Variants in MAP3K13 observed in about 807,000 individuals in gnomAD.
The protein encoded by MAP3K13 is leucine zipper-bearing kinase.
In MAP3K13, 52 loss-of-function variants were observed where a neutral mutation model predicts 104.0. That is an observed-to-expected ratio of 0.50 (90% CI 0.40 to 0.63). MAP3K13 has a LOEUF of 0.63. Ranked by LOEUF, MAP3K13 falls within the 20% of genes least tolerant of loss-of-function variation. The probability of loss-of-function intolerance (pLI) is 0.00; values close to 1 mark genes in which losing one functional copy is unlikely to be tolerated. For synonymous variants in MAP3K13, 394 were observed against 442.2 expected, an observed-to-expected ratio of 0.89 and a Z score of 1.37; for missense variants, 914 against 1,218.5, an observed-to-expected ratio of 0.75 and a Z score of 3.72.
intron 1 of MAP3K13, among the ~76,000 whole-genome samples, chr3:185,395,357 C>CTTTTTTTTTT (rs770336517): frequency 0.06 from 4,221 of 69,938 alleles, 749 homozygotes; most frequent in African/African-American, 0.099. Context: ...AATATTATTT[C>CTTTTTTTTTT]TTTTTTTTTT....
rs760104499 is a variant in MAP3K13, at chr3:185,446,870, T to A, written c.852-919T>A. ...TATTTATTGATAACGGTGCCTTATGTATCTTACCTCATTTAATTCAAATGA... is the reference window on the plus strand; with the variant it reads ...TATTTATTGATAACGGTGCCTTATGAATCTTACCTCATTTAATTCAAATGA... On this transcript the variant is annotated intron_variant, in intron 4 of 13. Transcript: ENST00000265026. 5.1e-4 allele frequency among the ~76,000 whole-genome samples: 77 copies of A among 152,380 alleles called. 1 individual carries two copies. The highest frequency in any genetic ancestry group is 3.4e-3 in the Middle Eastern group (1 of 294).
At chr3:185,353,363 C>T (rs139928531) in intron 2 of MAP3K13, among the ~76,000 whole-genome samples, 256 of 152,260 alleles carry the variant, frequency 1.7e-3, no homozygotes, top group Middle Eastern at 6.8e-3. Context: ...GTACAGAAAA[C>T]GGAAGCGAGG....
intron 2 of MAP3K13, among the ~76,000 whole-genome samples, chr3:185,343,043 C>T (rs1722777916): frequency 6.6e-6 from 1 of 152,202 alleles, no homozygotes; most frequent in Non-Finnish European, 1.5e-5. Context: ...AGGCCACCCA[C>T]ATTTCCTTGC....
chr3:185,451,977 G>A (rs1299061093), intron 7 of MAP3K13, among the ~76,000 whole-genome samples: 1 of 151,840 alleles, frequency 6.6e-6, no homozygotes, highest in Non-Finnish European at 1.5e-5. Flanking sequence ...AGAAAAAGAA[G>A]ATAAGAAAGC....
intron 2 of MAP3K13, among the ~76,000 whole-genome samples, chr3:185,308,921 T>C (rs1721399455): frequency 6.6e-6 from 1 of 152,154 alleles, no homozygotes; most frequent in Non-Finnish European, 1.5e-5. Flanking sequence ...TTTTAACTGG[T>C]TTCTGGAGTT....
chr3:185,431,699 G>A (rs1243328455), intron 2 of MAP3K13, among the ~76,000 whole-genome samples: 1 of 152,106 alleles, frequency 6.6e-6, no homozygotes, highest in Non-Finnish European at 1.5e-5. Flanking sequence ...CAAGACTGTT[G>A]ACAGCTTTTC....
intron 13 of MAP3K13, among the ~76,000 whole-genome samples, chr3:185,481,837 C>T (rs1296384675): frequency 6.6e-6 from 1 of 152,252 alleles, no homozygotes; most frequent in Non-Finnish European, 1.5e-5. Flanking sequence ...GTAATCCCAG[C>T]ACTTTGGGAG....
chr3:185,376,453 TTGGAC>T (rs1384467378), intron 1 of MAP3K13, among the ~76,000 whole-genome samples: 3 of 152,132 alleles, frequency 2.0e-5, no homozygotes, highest in Non-Finnish European at 4.4e-5. Context: ...GTCAAGTTGT[TTGGAC>T]AGAAAGGCTA....
At chr3:185,422,994 C>T (rs920617667) in intron 1 of MAP3K13, among the ~76,000 whole-genome samples, 4 of 152,108 alleles carry the variant, frequency 2.6e-5, no homozygotes, top group Non-Finnish European at 5.9e-5. Flanking sequence ...ACTGTGCATG[C>T]GAGGGATCTA....
intron 2 of MAP3K13, among the ~76,000 whole-genome samples, chr3:185,348,688 G>A (rs564477146): frequency 6.6e-6 from 1 of 152,280 alleles, no homozygotes; most frequent in Non-Finnish European, 1.5e-5. Flanking sequence ...GGAGGCCGAG[G>A]CGGGTGGATC....
In MAP3K13 at chr3:185,473,738, C is replaced by T; in HGVS notation, c.2407C>T (p.Arg803Ter). Residue 803 changes from arginine to a stop codon, truncating the protein, a stop_gained, in exon 11 of 14, where the codon CGA becomes TGA. Transcript: ENST00000265026. LOFTEE classifies it high-confidence loss of function. This position sits in a 1 kb window ranked among gnomAD's most constrained non-coding sequence, Gnocchi z 4.9. ...SHLGTPPALP[R>*]KTRPLQKSGD... ...TCTCGGCACCCCTCCAGCGCTACCTCGAAAAACAAGGCCTCTGCAGAAGGT... is the reference window on the plus strand; with the variant it reads ...TCTCGGCACCCCTCCAGCGCTACCTTGAAAAACAAGGCCTCTGCAGAAGGT... The T allele has an allele frequency of 2.5e-6, 4 of 1,612,812 alleles. No individual in the cohort carries two copies. Among genetic ancestry groups the T allele is most frequent in the East Asian group, 2.2e-5 (1 of 44,882 alleles).
chr3:185,358,176 G>C (rs779553823), upstream of MAP3K13, among the ~76,000 whole-genome samples: 5 of 152,162 alleles, frequency 3.3e-5, no homozygotes, highest in Non-Finnish European at 7.4e-5. Context: ...ATACTTTTGT[G>C]CTTAGCTTAT....
intron 2 of MAP3K13, among the ~76,000 whole-genome samples, chr3:185,307,144 C>T (rs1721314366): frequency 1.3e-5 from 2 of 152,210 alleles, no homozygotes; most frequent in East Asian, 1.9e-4. Flanking sequence ...AGTTCGGTTA[C>T]AATGTGTCTC....
chr3:185,337,576 A>T (rs1408633479), intron 2 of MAP3K13, among the ~76,000 whole-genome samples: 1 of 152,256 alleles, frequency 6.6e-6, no homozygotes. Context: ...CTGTGTTAAC[A>T]TAAAATGGGT....
At chr3:185,317,403 A>G (rs1721715865) in intron 2 of MAP3K13, among the ~76,000 whole-genome samples, 1 of 152,196 alleles carries the variant, frequency 6.6e-6, no homozygotes, top group South Asian at 2.1e-4. Flanking sequence ...TCATGCTGGA[A>G]AGGAAAGGTT....
chr3:185,451,630 G>A, intron 7 of MAP3K13: 1 of 351,394 alleles, frequency 2.8e-6, no homozygotes, highest in South Asian at 3.3e-5. Flanking sequence ...ACTTTGGGAG[G>A]CCGAGCCAGG....
chr3:185,298,868 C>T (rs1433312615), intron 2 of MAP3K13, among the ~76,000 whole-genome samples: 4 of 152,198 alleles, frequency 2.6e-5, no homozygotes, highest in Non-Finnish European at 5.9e-5. Flanking sequence ...ATGTCTGACA[C>T]AACTGCAAGA....
At chr3:185,326,341 C>T (rs1158317694) in intron 2 of MAP3K13, among the ~76,000 whole-genome samples, 2 of 152,148 alleles carry the variant, frequency 1.3e-5, no homozygotes, top group East Asian at 1.9e-4. Context: ...AACCCCACCA[C>T]GCCCCCAGGA....
chr3:185,324,444 C>A (rs899654774), intron 2 of MAP3K13, among the ~76,000 whole-genome samples: 5 of 152,028 alleles, frequency 3.3e-5, no homozygotes, highest in Non-Finnish European at 7.4e-5. Context: ...GCTTTAAAAT[C>A]TTTTGATTCC....
Sources: gnomAD v4.1 joint callset for allele counts (sites outside exome capture counted in the v4.1 genomes callset) on GRCh38, gnomAD v4.1.1 for gene constraint, Gnocchi (gnomAD v3.1) non-coding constraint, MANE v1.5 for transcripts, NCBI Gene and HGNC (gene_info 2026-07-23, HGNC 2026-07-21) for gene names.